Variants in SCART1 observed in about 807,000 individuals in gnomAD.
SCART1 encodes the protein scavenger receptor cysteine-rich domain-containing protein SCART1.
Under a neutral mutation model 36.2 loss-of-function variants are expected in SCART1, and 62 were observed. That is an observed-to-expected ratio of 1.71 (90% CI 1.40 to 2.12). The LOEUF (loss-of-function observed/expected upper bound fraction) is 2.12. Among genes scored for constraint, SCART1 ranks in the 30% most tolerant of loss-of-function variants. SCART1 has a pLI of 0.00. For synonymous variants in SCART1, 487 were observed against 238.7 expected, an observed-to-expected ratio of 2.04 and a Z score of -9.59; for missense variants, 1,041 against 540.5, an observed-to-expected ratio of 1.93 and a Z score of -9.18.
At chr10:133,462,604 G>A (rs943472182) in intron 6 of SCART1, among the ~76,000 whole-genome samples, 2 of 152,192 alleles carry the variant, frequency 1.3e-5, no homozygotes, top group African/African-American at 4.8e-5. Context: ...GTGTGGCTCC[G>A]ACCTCTGTGG....
chr10:133,464,030 C>A (rs2133557326), intron 6 of SCART1, among the ~76,000 whole-genome samples: 1 of 152,214 alleles, frequency 6.6e-6, no homozygotes, highest in Non-Finnish European at 1.5e-5. Context: ...TCTAGGAGAT[C>A]AACATTTTTA....
chr10:133,459,429 G>T (rs573760321), intron 5 of SCART1, 58 bp from the exon 6 acceptor site: 6 of 615,984 alleles, frequency 9.7e-6, no homozygotes, highest in Non-Finnish European at 1.7e-5. Flanking sequence ...CCCTGCTGGG[G>T]GGTGGTCCTG....
chr10:133,455,243 A>G (rs1850594563), intron 1 of SCART1, among the ~76,000 whole-genome samples: 1 of 152,118 alleles, frequency 6.6e-6, no homozygotes, highest in Non-Finnish European at 1.5e-5. Context: ...CTCCAGCCTG[A>G]GTGACAGAGC....
chr10:133,462,832 A>G (rs79454820), intron 6 of SCART1, among the ~76,000 whole-genome samples: 2,099 of 152,216 alleles, frequency 0.014, 46 homozygotes, highest in African/African-American at 0.047. Context: ...CTATTCCTTG[A>G]CCCAAGTCCC....
chr10:133,458,965 C>T lies in SCART1; in HGVS notation c.980-56C>T, dbSNP rs563411101. The T allele has an allele frequency of 3.5e-5, 22 of 634,202 alleles. No individual in the cohort carries two copies. In the East Asian group the frequency reaches 4.9e-4, roughly 14 times the overall value. The allele number at this position is 634,202 out of a possible 1,614,324, so 39.3% of individuals were successfully genotyped here. Reference sequence around the variant, plus strand: ...TGTGAAGGAAGGAAATGACCACAGACAGCCATGTTCTGGGTCGGCCGTCTG... The same window carrying T: ...TGTGAAGGAAGGAAATGACCACAGATAGCCATGTTCTGGGTCGGCCGTCTG... On this transcript the variant is annotated intron_variant, in intron 4 of 11. Coordinates refer to ENST00000640237, the Ensembl canonical transcript of SCART1.
At chr10:133,465,552 C>T (rs1049647173) in exon 9 of SCART1, 5 of 544,748 alleles carry the variant, frequency 9.2e-6, no homozygotes, top group Non-Finnish European at 1.6e-5. Context: ...AGGACGCGGG[C>T]GTGCGCTGCT....
intron 6 of SCART1, chr10:133,464,264 GGTGAACCTGGGCGTGCA>G (rs1397553750): frequency 9.8e-6 from 3 of 305,028 alleles, no homozygotes; most frequent in Non-Finnish European, 1.8e-5. Flanking sequence ...ATAGTGCTGC[GGTGAACCTGGGCGTGCA>G]GTGAACCTGG....
chr10:133,466,371 C>T (rs1020565741), exon 10 of SCART1: 3 of 702,748 alleles, frequency 4.3e-6, no homozygotes, highest in Non-Finnish European at 7.8e-6. Flanking sequence ...TCACACAAGC[C>T]ATGCAGAGGG....
chr10:133,458,727 A>C (rs1850654470), intron 4 of SCART1, 71 bp downstream of exon 4: 8 of 688,122 alleles, frequency 1.2e-5, no homozygotes, highest in Non-Finnish European at 2.1e-5. Context: ...TCGTGCCCTA[A>C]AGGTGCCTCT....
chr10:133,456,858 C>T (rs1850622364), intron 2 of SCART1, among the ~76,000 whole-genome samples: 1 of 152,148 alleles, frequency 6.6e-6, no homozygotes, highest in Admixed American at 6.5e-5. Flanking sequence ...TCTGTGGACG[C>T]CTGAGGCCCA....
intron 6 of SCART1, 145 bp downstream of exon 6, chr10:133,460,315 G>T (rs947478730): frequency 2.5e-6 from 1 of 397,976 alleles, no homozygotes; most frequent in Non-Finnish European, 4.4e-6. Flanking sequence ...TGAGGTTCCT[G>T]TTGGTATAGT....
chr10:133,458,733 C>T (rs1293460326), intron 4 of SCART1, 77 bp downstream of exon 4: 8 of 682,970 alleles, frequency 1.2e-5, no homozygotes, highest in Non-Finnish European at 5.3e-6. Flanking sequence ...CCTAAAGGTG[C>T]CTCTGGCCAG....
At chr10:133,457,084 G>A (rs1242165669) in intron 2 of SCART1, 195 bp from the exon 3 acceptor site, 1 of 584,310 alleles carries the variant, frequency 1.7e-6, no homozygotes, top group African/African-American at 1.9e-5. Context: ...CCTTGTTTCA[G>A]GAGACCAGCA....
exon 6 of SCART1, chr10:133,459,563 G>C (rs1850667491): frequency 1.5e-6 from 1 of 680,442 alleles, no homozygotes; most frequent in Admixed American, 2.1e-5. Context: ...TGGATGGCGT[G>C]TGGGGCCGCG....
intron 1 of SCART1, among the ~76,000 whole-genome samples, chr10:133,455,574 C>T (rs537471995): frequency 6.6e-6 from 1 of 152,116 alleles, no homozygotes; most frequent in East Asian, 1.9e-4. Context: ...GCTTCATTTT[C>T]CTCGGGGTGG....
At chr10:133,468,609 G>A (rs1164280362) in exon 12 of SCART1, 1 of 152,114 alleles carries the variant, frequency 6.6e-6, no homozygotes, top group Non-Finnish European at 1.5e-5. Flanking sequence ...AATATTTGAT[G>A]TTCAGTTTTG....
Position 133,465,578 on chromosome 10 carries a change from C to T in SCART1, c.2659+13C>T. On this transcript the variant is annotated intron_variant, in intron 9 of 11. Transcript: ENST00000640237. ...GTGCGCTGCTGGGGTGAGTGGGGGG[C>T]GGTGGGAAGTCGGTCATGGGGCCGG... 12 of 566,922 alleles carry T rather than the reference C, an allele frequency of 2.1e-5. No individual in the cohort carries two copies. In the South Asian group the frequency reaches 2.7e-4, roughly 13 times the overall value. 35.1% of individuals were successfully genotyped at this position (566,922 alleles called of 1,614,324 possible). A position where few individuals can be genotyped will look rare whatever the true frequency, so the allele number is the denominator to read the frequency against.
intron 11 of SCART1, among the ~76,000 whole-genome samples, 172 bp downstream of exon 11, chr10:133,467,525 A>G (rs1040621503): frequency 1.3e-5 from 2 of 152,256 alleles, no homozygotes; most frequent in Admixed American, 1.3e-4. Flanking sequence ...GGCCACACCC[A>G]TGAGGGCAGA....
At chr10:133,459,296 C>T (rs1321661793) in exon 5 of SCART1, 1 of 645,882 alleles carries the variant, frequency 1.5e-6, no homozygotes, top group Non-Finnish European at 2.8e-6. Context: ...GGCCTGTGCC[C>T]CGGGAAACAC....
Sources: allele counts gnomAD v4.1 joint callset (sites outside exome capture counted in the v4.1 genomes callset), GRCh38; gene constraint gnomAD v4.1.1; transcripts MANE v1.5; gene names NCBI Gene and HGNC (gene_info 2026-07-23, HGNC 2026-07-21).